MARCHF1: variants seen among roughly 807,000 people sequenced by gnomAD.
The protein encoded by MARCHF1 is membrane associated ring-CH-type finger 1.
MARCHF1 carries 40 observed loss-of-function variants against 54.2 expected under a neutral mutation model. The observed-to-expected ratio is 0.74, with a 90% CI of 0.57 to 0.96. The LOEUF (loss-of-function observed/expected upper bound fraction) is 0.96. Ranked by LOEUF, MARCHF1 falls within the 40% of genes least tolerant of loss-of-function variation. The pLI is 0.00. For synonymous variants in MARCHF1, 236 were observed against 236.3 expected, an observed-to-expected ratio of 1.00 and a Z score of 0.01; for missense variants, 586 against 656.5, an observed-to-expected ratio of 0.89 and a Z score of 1.17.
chr4:164,193,714 A>T (rs535505917), intron 1 of MARCHF1, among the ~76,000 whole-genome samples: 1 of 152,292 alleles, frequency 6.6e-6, no homozygotes, highest in African/African-American at 2.4e-5. Flanking sequence ...AGAAACATTT[A>T]AAAAATGAGT....
At chr4:163,842,648 T>C (rs1749373396) in intron 4 of MARCHF1, among the ~76,000 whole-genome samples, 1 of 152,166 alleles carries the variant, frequency 6.6e-6, no homozygotes, top group East Asian at 1.9e-4. Context: ...AATGAGTTGT[T>C]AACGTGTCAG....
intron 4 of MARCHF1, among the ~76,000 whole-genome samples, chr4:163,789,821 T>C (rs951517076): frequency 6.6e-6 from 1 of 152,054 alleles, no homozygotes; most frequent in Admixed American, 6.6e-5. Flanking sequence ...TTAGATAACC[T>C]TAAGGAAAAA....
chr4:164,327,217 T>A (rs2110787384), intron 1 of MARCHF1, among the ~76,000 whole-genome samples: 1 of 152,282 alleles, frequency 6.6e-6, no homozygotes, highest in Middle Eastern at 3.4e-3. Flanking sequence ...CAAGTCATTG[T>A]AAAACAGCTC....
At chr4:164,340,405 T>TTTATATATATA (rs1327005165) in intron 1 of MARCHF1, among the ~76,000 whole-genome samples, 2 of 95,650 alleles carry the variant, frequency 2.1e-5, no homozygotes, top group Non-Finnish European at 4.4e-5. Flanking sequence ...AGGCCTTGAT[T>TTTATATATATA]TATATATAGA....
At chr4:163,834,772 C>T (rs571627684) in intron 4 of MARCHF1, among the ~76,000 whole-genome samples, 1 of 152,096 alleles carries the variant, frequency 6.6e-6, no homozygotes, top group Non-Finnish European at 1.5e-5. Flanking sequence ...GATCTTAAGT[C>T]AATCCCTTTA....
intron 5 of MARCHF1, among the ~76,000 whole-genome samples, chr4:163,668,513 C>T (rs1316050246): frequency 6.6e-6 from 1 of 151,982 alleles, no homozygotes; most frequent in East Asian, 1.9e-4. Context: ...GTAGAATGGG[C>T]AAGGAAAAGT....
At chr4:164,321,485 TA>T (rs11464992) in intron 1 of MARCHF1, among the ~76,000 whole-genome samples, 23,542 of 145,354 alleles carry the variant, frequency 0.16, 2,516 homozygotes, top group East Asian at 0.43. Context: ...ACACCAAGGA[TA>T]AAAAAAAAAA....
chr4:164,289,635 A>T (rs1182522941), intron 1 of MARCHF1, among the ~76,000 whole-genome samples: 3 of 151,238 alleles, frequency 2.0e-5, no homozygotes, highest in African/African-American at 4.8e-5. Flanking sequence ...CCCAGATTTA[A>T]GCAACAGCGG....
At chr4:163,604,731 G>T (rs1741087160) in intron 7 of MARCHF1, among the ~76,000 whole-genome samples, 1 of 151,962 alleles carries the variant, frequency 6.6e-6, no homozygotes, top group Admixed American at 6.6e-5. Context: ...CTGCTCCCTG[G>T]CTCTCTACTA....
At chr4:163,817,764 C>T (rs550585574) in intron 4 of MARCHF1, among the ~76,000 whole-genome samples, 31 of 151,664 alleles carry the variant, frequency 2.0e-4, no homozygotes, top group South Asian at 1.0e-3. Context: ...ATATACACCA[C>T]GGAATACTAT....
chr4:164,276,065 T>C (rs1733873689), intron 1 of MARCHF1, among the ~76,000 whole-genome samples: 1 of 152,200 alleles, frequency 6.6e-6, no homozygotes. Flanking sequence ...TTTCATTTCT[T>C]CTTTTCATAT....
chr4:163,832,181 T>G (rs1310647796), intron 4 of MARCHF1, among the ~76,000 whole-genome samples: 1 of 152,168 alleles, frequency 6.6e-6, no homozygotes, highest in Admixed American at 6.5e-5. Context: ...GAGATGTCGT[T>G]TCTAATTGGG....
Position 164,117,717 on chromosome 4 carries a change from T to C in MARCHF1, c.-322-6055A>G, listed in dbSNP as rs549791403. Among the ~76,000 whole-genome samples, 11 of 152,108 alleles carry C rather than the reference T, an allele frequency of 7.2e-5. No homozygotes were observed. In the South Asian group the frequency reaches 2.3e-3, roughly 32 times the overall value. ...GAGTTCAAGACTAGCCTGGCCAATG[T>C]GGAGAAACTCCATCTCTCCTAAAAA... On this transcript the variant is annotated intron_variant, in intron 1 of 9. Transcript: ENST00000514618.
intron 4 of MARCHF1, among the ~76,000 whole-genome samples, chr4:163,727,625 T>G (rs560514412): frequency 6.6e-6 from 1 of 151,910 alleles, no homozygotes; most frequent in South Asian, 2.1e-4. Context: ...TTTTTTTTTT[T>G]GCCATGAAGA....
chr4:163,816,017 A>G (rs1464288245), intron 4 of MARCHF1, among the ~76,000 whole-genome samples: 1 of 152,192 alleles, frequency 6.6e-6, no homozygotes, highest in Admixed American at 6.6e-5. Context: ...AGTGGTAAAC[A>G]TTGTTTCTAT....
intron 1 of MARCHF1, among the ~76,000 whole-genome samples, chr4:164,119,364 T>G (rs566060531): frequency 9.2e-5 from 13 of 141,942 alleles, no homozygotes; most frequent in Admixed American, 2.8e-4. Context: ...TAAGCAATAA[T>G]CAAAAGAAAT....
intron 5 of MARCHF1, among the ~76,000 whole-genome samples, chr4:163,640,006 A>T (rs1742496121): frequency 6.6e-6 from 1 of 152,140 alleles, no homozygotes; most frequent in African/African-American, 2.4e-5. Context: ...AGAAAACCTT[A>T]ATGAAAGAGT....
chr4:163,950,473 A>C (rs1402639056), intron 3 of MARCHF1, among the ~76,000 whole-genome samples: 2 of 152,192 alleles, frequency 1.3e-5, no homozygotes, highest in African/African-American at 4.8e-5. Flanking sequence ...AGCCTGCAGC[A>C]GGGGGCGGCG....
chr4:164,099,410 ATTTC>A (rs1252653234), intron 2 of MARCHF1, among the ~76,000 whole-genome samples: 1 of 152,154 alleles, frequency 6.6e-6, no homozygotes, highest in African/African-American at 2.4e-5. Context: ...AATTGTACAA[ATTTC>A]TTTGTCAAAA....
Sources: gnomAD v4.1 joint callset for allele counts (sites outside exome capture counted in the v4.1 genomes callset) on GRCh38, gnomAD v4.1.1 for gene constraint, MANE v1.5 for transcripts, NCBI Gene and HGNC (gene_info 2026-07-23, HGNC 2026-07-21) for gene names.